The following ST3GAL4 variants were observed in gnomAD, a reference collection of about 807,000 sequenced individuals.
The protein encoded by ST3GAL4 is CMP-N-acetylneuraminate-beta-galactosamide-alpha-2,3-sialyltransferase 4.
In ST3GAL4, 24 loss-of-function variants were observed where a neutral mutation model predicts 42.6. The ratio of observed to expected loss-of-function variants is 0.56; its 90% CI spans 0.41 to 0.79. The LOEUF is 0.79. ST3GAL4 is among the 30% of genes least tolerant of loss of function. The probability of loss-of-function intolerance (pLI) is 0.00; values close to 1 mark genes in which losing one functional copy is unlikely to be tolerated. For missense variants in ST3GAL4, 311 were observed against 430.8 expected (o/e 0.72, Z 2.46); for synonymous variants, 135 against 163.2 (o/e 0.83, Z 1.32).
chr11:126,364,042 C>T (rs773989213), intron 1 of ST3GAL4, among the ~76,000 whole-genome samples: 7 of 152,252 alleles, frequency 4.6e-5, no homozygotes, highest in African/African-American at 1.7e-4. Context: ...AGCTGCCTGG[C>T]GGCCCTGGGG....
In ST3GAL4 at chr11:126,411,553, T is replaced by C. The variant is rs1954526872; in HGVS notation, c.772-1952T>C. Among the ~76,000 whole-genome samples the C allele has an allele frequency of 6.6e-6, 1 of 152,170 alleles. No individual in the cohort carries two copies. Among genetic ancestry groups the C allele is most frequent in the Admixed American group, 6.5e-5 (1 of 15,284 alleles). On this transcript the variant is annotated intron_variant, in intron 9 of 10. Coordinates refer to ENST00000444328, the MANE Select transcript of ST3GAL4 (RefSeq NM_001254757.2). This position sits in a 1 kb window ranked among gnomAD's most constrained non-coding sequence, Gnocchi z 6.3. Reference sequence around the variant, plus strand: ...GAACAGCAGGGTGTGGCTGGTTCTCTGTTTAGGGTGTCACAAGGCTGGACT... The same window carrying C: ...GAACAGCAGGGTGTGGCTGGTTCTCCGTTTAGGGTGTCACAAGGCTGGACT...
intron 1 of ST3GAL4, among the ~76,000 whole-genome samples, chr11:126,362,191 T>TC (rs1361605014): frequency 1.4e-5 from 2 of 144,030 alleles, no homozygotes; most frequent in Admixed American, 1.4e-4. Context: ...CAACATTTCT[T>TC]CCTTTTTTTT....
chr11:126,395,897 G>A (rs894358178), intron 1 of ST3GAL4, among the ~76,000 whole-genome samples: 7 of 151,322 alleles, frequency 4.6e-5, no homozygotes, highest in Admixed American at 2.6e-4. Context: ...GGGAGGAGTT[G>A]GCAAGGAGGG....
At position 126,392,721 on chromosome 11, in the gene ST3GAL4, C is replaced by G. The variant is rs7928391; in HGVS notation, c.-60-13375C>G. On this transcript the variant is annotated intron_variant, in intron 1 of 10. Coordinates refer to ENST00000444328, the MANE Select transcript of ST3GAL4 (RefSeq NM_001254757.2). The surrounding 1 kb of genome is among the most constrained non-coding windows in gnomAD (Gnocchi z 5.8). ...AAGAAGTCCCTGCTTGCTGGGAGTG[C>G]GTGGTCTAATTGGTACTTGGGACAG... Among the ~76,000 whole-genome samples, 1 of 151,940 alleles carries G rather than the reference C, an allele frequency of 6.6e-6. No homozygotes were observed. Among genetic ancestry groups the G allele is most frequent in the African/African-American group, 2.4e-5 (1 of 41,342 alleles).
In ST3GAL4 at chr11:126,371,163, C is replaced by CTTATTTTTTTTTTTTTTTT. The variant is rs1555082244; in HGVS notation, c.-61+15323_-61+15324insATTTTTTTTTTTTTTTTTT. On this transcript the variant is annotated intron_variant, in intron 1 of 10. Coordinates refer to ENST00000444328, the MANE Select transcript of ST3GAL4 (RefSeq NM_001254757.2). ...ATCTATTCTATTCTTCCCCACATTCCTTTTTTTTTTTTTTTTTTTGAGATG... is the reference window on the plus strand; with the variant it reads ...ATCTATTCTATTCTTCCCCACATTCCTTATTTTTTTTTTTTTTTTTTTTTTTTTTTTTTTTTTTGAGATG... Among the ~76,000 whole-genome samples, 315 of 59,956 alleles carry CTTATTTTTTTTTTTTTTTT rather than the reference C, an allele frequency of 5.3e-3. 39 individuals carry two copies. Among genetic ancestry groups the CTTATTTTTTTTTTTTTTTT allele is most frequent in the Non-Finnish European group, 7.6e-3 (250 of 32,960 alleles). 39.3% of individuals were successfully genotyped at this position (59,956 alleles called of 152,430 possible).
At chr11:126,374,454 CAAAAAAAAAAAAA>C (rs869295718) in intron 1 of ST3GAL4, among the ~76,000 whole-genome samples, 2 of 63,208 alleles carry the variant, frequency 3.2e-5, no homozygotes, top group African/African-American at 5.9e-5. Flanking sequence ...ACTTTGTCTC[CAAAAAAAAAAAAA>C]AAAAAAAAAA....
In ST3GAL4 at chr11:126,381,517, C is replaced by T. The variant is rs1331164091; in HGVS notation, c.-60-24579C>T. Among the ~76,000 whole-genome samples the T allele has an allele frequency of 3.4e-5, 5 of 149,240 alleles. No individual in the cohort carries two copies. The South Asian group carries it at 6.5e-4, about 19-fold the overall frequency. ...GGATGGCTGGAAAGGACACAGGGAC[C>T]GGGAGGAGAGGGCAGGAGACGAGGG... On this transcript the variant is annotated intron_variant, in intron 1 of 10. Coordinates refer to ENST00000444328, the MANE Select transcript of ST3GAL4 (RefSeq NM_001254757.2).
intron 1 of ST3GAL4, among the ~76,000 whole-genome samples, chr11:126,374,555 A>C (rs974089734): frequency 3.3e-5 from 5 of 152,136 alleles, no homozygotes; most frequent in African/African-American, 1.2e-4. Context: ...TGAGTGAACG[A>C]AAGTACAAAG....
Position 126,379,031 on chromosome 11 carries a change from C to G in ST3GAL4, c.-61+23189C>G, listed in dbSNP as rs997549850. ...CATCAATCGTAGTTGTAGGCCATCC[C>G]TTTGCCTCTGTTGCTTCTTCCAAGA... On this transcript the variant is annotated intron_variant, in intron 1 of 10. Transcript: ENST00000444328. The surrounding 1 kb of genome is among the most constrained non-coding windows in gnomAD (Gnocchi z 4.2). Among the ~76,000 whole-genome samples the G allele has an allele frequency of 6.6e-6, 1 of 152,160 alleles. No homozygotes were observed. The highest frequency in any genetic ancestry group is 1.9e-4 in the East Asian group (1 of 5,194).
chr11:126,360,052 G>A (rs1205598172), intron 1 of ST3GAL4, among the ~76,000 whole-genome samples: 1 of 152,234 alleles, frequency 6.6e-6, no homozygotes, highest in East Asian at 1.9e-4. Flanking sequence ...CTGGCTCAAG[G>A]CCAGAGAGGC....
At position 126,409,350 on chromosome 11, in the gene ST3GAL4, T is replaced by C; in HGVS notation, c.710T>C (p.Met237Thr). The change falls in exon 9 of 11, where the codon ATG (methionine) becomes ACG (threonine). Residue 237 changes from methionine to threonine, a missense_variant. Met to Thr is a moderately conservative substitution (Grantham distance 81, BLOSUM62 -1). Transcript: ENST00000444328. The surrounding 1 kb of genome is among the most constrained non-coding windows in gnomAD (Gnocchi z 4.9). The stretch of plus-strand genomic sequence containing the variant: ...ATTCGGATTCTCAACCCCTTCTTCA[T>C]GGAGATTGCAGCTGACAAACTGCTG... ...KQIRILNPFF[M>T]EIAADKLLSL... is the part of the protein sequence containing the mutation. 1 of 1,614,118 alleles carries C rather than the reference T, an allele frequency of 6.2e-7. No homozygotes were observed. The highest frequency in any genetic ancestry group is 8.5e-7 in the Non-Finnish European group (1 of 1,180,028).
rs565543150 is a variant in ST3GAL4, at chr11:126,359,616, C to A, written c.-61+3774C>A. On this transcript the variant is annotated intron_variant, in intron 1 of 10. Transcript: ENST00000444328. The surrounding 1 kb of genome is among the most constrained non-coding windows in gnomAD (Gnocchi z 4.8). ...ATTAGTGTCAAAGGTGGAACACAAA[C>A]CCTGACCTCTGAGTGCTCTCCCGAA... Among the ~76,000 whole-genome samples the A allele has an allele frequency of 1.1e-4, 17 of 152,308 alleles. No individual in the cohort carries two copies. The highest frequency in any genetic ancestry group is 3.8e-4 in the African/African-American group (16 of 41,566).
intron 1 of ST3GAL4, among the ~76,000 whole-genome samples, chr11:126,360,721 C>T (rs1217541442): frequency 6.6e-6 from 1 of 152,180 alleles, no homozygotes; most frequent in East Asian, 1.9e-4. Flanking sequence ...CGTGCCCAGC[C>T]GAGCGTGTCT....
At chr11:126,394,644 T>TG (rs1489200341) in intron 1 of ST3GAL4, among the ~76,000 whole-genome samples, 9 of 152,104 alleles carry the variant, frequency 5.9e-5, no homozygotes, top group African/African-American at 2.2e-4. Flanking sequence ...AGGCTGTTCT[T>TG]GAACTCCTGA....
chr11:126,407,642 G>A lies in ST3GAL4; in HGVS notation c.341+8G>A, dbSNP rs760295714. On this transcript the variant is annotated splice_region_variant and intron_variant, in intron 6 of 10. Transcript: ENST00000444328. ...CCCCAAGAACATCCAGAGGTAAGGC[G>A]GCACTCCGACTCCAGTCTGGGCACC... 1.4e-5 allele frequency: 23 copies of A among 1,613,704 alleles called. No individual in the cohort carries two copies. The highest frequency in any genetic ancestry group is 2.7e-5 in the African/African-American group (2 of 74,876).
intron 1 of ST3GAL4, among the ~76,000 whole-genome samples, chr11:126,370,686 T>C (rs948571517): frequency 1.3e-5 from 2 of 152,094 alleles, no homozygotes; most frequent in African/African-American, 4.8e-5. Context: ...CCTTTTTTTT[T>C]TTTTCCTTGA....
chr11:126,406,134 A>T lies in ST3GAL4; in HGVS notation c.-22A>T, dbSNP rs934584191. 2 of 1,552,916 alleles carry T rather than the reference A, an allele frequency of 1.3e-6. No individual in the cohort carries two copies. On this transcript the variant is annotated 5_prime_UTR_variant, in exon 2 of 11. Transcript: ENST00000444328. The surrounding 1 kb of genome is among the most constrained non-coding windows in gnomAD (Gnocchi z 5.4). ...GCCGGGATGACAGCTCTCCCCAGGA[A>T]TCCTGCTGCCTGCTGAGAAACATGG...
At position 126,409,397 on chromosome 11, in the gene ST3GAL4, C is replaced by G. The variant is rs201384951; in HGVS notation, c.757C>G (p.Arg253Gly). The change falls in exon 9 of 11, where the codon CGG (arginine) becomes GGG (glycine). Residue 253 changes from arginine to glycine, a missense_variant. Arg to Gly is a moderately radical substitution (Grantham distance 125). Coordinates refer to ENST00000444328, the MANE Select transcript of ST3GAL4 (RefSeq NM_001254757.2). The surrounding 1 kb of genome is among the most constrained non-coding windows in gnomAD (Gnocchi z 4.9). ...GCTGAGCCTGCCAATGCAACAGCCACGGAAGATTAAGCAGGTGATGATGGG... is the reference window on the plus strand; with the variant it reads ...GCTGAGCCTGCCAATGCAACAGCCAGGGAAGATTAAGCAGGTGATGATGGG... ...KLLSLPMQQP[R>G]KIKQKPTTGL... is the part of the protein sequence containing the mutation. The G allele has an allele frequency of 5.0e-6, 8 of 1,614,142 alleles. No individual in the cohort carries two copies. The highest frequency in any genetic ancestry group is 5.9e-6 in the Non-Finnish European group (7 of 1,180,028).
rs1953832856 is a variant in ST3GAL4 at position 126,397,537 on chromosome 11, A to G, written c.-60-8559A>G. Among the ~76,000 whole-genome samples the G allele has an allele frequency of 6.6e-6, 1 of 151,152 alleles. No individual in the cohort carries two copies. Among genetic ancestry groups the G allele is most frequent in the African/African-American group, 2.5e-5 (1 of 40,526 alleles). On this transcript the variant is annotated intron_variant, in intron 1 of 10. Transcript: ENST00000444328. This position sits in a 1 kb window ranked among gnomAD's most constrained non-coding sequence, Gnocchi z 5.0. ...GAAGTATAAGTCAAGCCTTCGTAGGAGAGGAACCATTTCAGCCCGATATTA... is the reference window on the plus strand; with the variant it reads ...GAAGTATAAGTCAAGCCTTCGTAGGGGAGGAACCATTTCAGCCCGATATTA...
Sources: gnomAD v4.1 joint callset for allele counts (sites outside exome capture counted in the v4.1 genomes callset) on GRCh38, gnomAD v4.1.1 for gene constraint, Gnocchi (gnomAD v3.1) non-coding constraint, MANE v1.5 for transcripts, NCBI Gene and HGNC (gene_info 2026-07-23, HGNC 2026-07-21) for gene names.